MPP7: variants seen among roughly 807,000 people sequenced by gnomAD.
The protein encoded by MPP7 is MAGUK p55 subfamily member 7.
A neutral mutation model predicts 76.5 loss-of-function variants in MPP7; 60 were observed. That is an observed-to-expected ratio of 0.78 (90% CI 0.64 to 0.97). The LOEUF is 0.97. Ranked by LOEUF, MPP7 falls within the 50% of genes least tolerant of loss-of-function variation. The pLI is 0.00. For missense variants in MPP7, 641 were observed against 694.0 expected, an observed-to-expected ratio of 0.92 and a Z score of 0.86; for synonymous variants, 237 against 244.5, an observed-to-expected ratio of 0.97 and a Z score of 0.29.
intron 2 of MPP7, among the ~76,000 whole-genome samples, chr10:28,319,201 C>T (rs1249333526): frequency 6.6e-6 from 1 of 152,124 alleles, no homozygotes; most frequent in African/African-American, 2.4e-5. Flanking sequence ...AGGTGCTACA[C>T]ACTTTTAAAC....
intron 12 of MPP7, among the ~76,000 whole-genome samples, chr10:28,081,646 T>C (rs939017377): frequency 1.4e-4 from 21 of 152,294 alleles, no homozygotes; most frequent in African/African-American, 5.1e-4. Context: ...AAAAACCATA[T>C]AGCATTATGA....
chr10:28,106,786 G>A (rs1356994952), intron 11 of MPP7, among the ~76,000 whole-genome samples: 4 of 152,102 alleles, frequency 2.6e-5, no homozygotes, highest in African/African-American at 9.7e-5. Context: ...TTGGCTTCCG[G>A]TGAAAATGTT....
chr10:28,171,096 A>C (rs1006874486), intron 3 of MPP7, among the ~76,000 whole-genome samples: 1 of 152,202 alleles, frequency 6.6e-6, no homozygotes, highest in East Asian at 1.9e-4. Context: ...CAAATTAATA[A>C]GTGTCTATTA....
intron 16 of MPP7, among the ~76,000 whole-genome samples, chr10:28,054,871 T>C (rs1851496907): frequency 6.6e-6 from 1 of 152,100 alleles, no homozygotes; most frequent in Non-Finnish European, 1.5e-5. Flanking sequence ...CAGATGGATT[T>C]TCTCCATGTT....
At chr10:28,184,543 T>G (rs1837165725) in intron 3 of MPP7, among the ~76,000 whole-genome samples, 1 of 149,182 alleles carries the variant, frequency 6.7e-6, no homozygotes, top group Admixed American at 6.7e-5. Flanking sequence ...ACTCTGTCTC[T>G]ACTAAAAATA....
intron 2 of MPP7, among the ~76,000 whole-genome samples, chr10:28,210,499 GAGA>G (rs768779441): frequency 1.3e-5 from 2 of 152,102 alleles, no homozygotes; most frequent in Non-Finnish European, 2.9e-5. Flanking sequence ...AAACTTATAA[GAGA>G]AGGTCAAGAT....
At chr10:28,071,385 C>A (rs992418039) in intron 12 of MPP7, among the ~76,000 whole-genome samples, 1 of 152,136 alleles carries the variant, frequency 6.6e-6, no homozygotes, top group Non-Finnish European at 1.5e-5. Context: ...TTTCTAGGTC[C>A]CTGACCCTTG....
chr10:28,082,779 T>C (rs1035910195), intron 12 of MPP7, among the ~76,000 whole-genome samples: 16 of 152,098 alleles, frequency 1.1e-4, no homozygotes, highest in African/African-American at 3.6e-4. Flanking sequence ...TCTTTTTTTA[T>C]TTTTAGAGAC....
intron 6 of MPP7, among the ~76,000 whole-genome samples, chr10:28,127,152 A>G (rs1835043185): frequency 6.6e-6 from 1 of 152,236 alleles, no homozygotes; most frequent in Non-Finnish European, 1.5e-5. Flanking sequence ...TGGACTGTAC[A>G]GTTTTTCAGT....
In MPP7 at chr10:28,186,405, T is replaced by C. The variant is rs147191209; in HGVS notation, c.156+15748A>G. 2.9e-3 allele frequency among the ~76,000 whole-genome samples: 440 copies of C among 151,938 alleles called. 1 individual carries two copies. Among genetic ancestry groups the C allele is most frequent in the African/African-American group, 9.7e-3 (404 of 41,498 alleles). On this transcript the variant is annotated intron_variant, in intron 3 of 16. Coordinates refer to ENST00000683449, the MANE Select transcript of MPP7 (RefSeq NM_001318170.2). ...GAGAAAACAGCCTATTTTGAAATTATTATAATTCAGTTCTATACTTTAAAA... is the reference window on the plus strand; with the variant it reads ...GAGAAAACAGCCTATTTTGAAATTACTATAATTCAGTTCTATACTTTAAAA...
chr10:28,197,423 T>C (rs1375012354), intron 3 of MPP7, among the ~76,000 whole-genome samples: 1 of 152,060 alleles, frequency 6.6e-6, no homozygotes, highest in African/African-American at 2.4e-5. Context: ...CCTCAAGTGA[T>C]CCACCTGCCT....
intron 2 of MPP7, among the ~76,000 whole-genome samples, chr10:28,213,047 C>T (rs975994977): frequency 9.9e-5 from 15 of 152,082 alleles, no homozygotes; most frequent in Non-Finnish European, 2.1e-4. Context: ...TCAGGTAATC[C>T]TCCTGCCTCA....
chr10:28,073,503 C>T (rs1228261642), intron 12 of MPP7, among the ~76,000 whole-genome samples: 2 of 152,126 alleles, frequency 1.3e-5, no homozygotes, highest in African/African-American at 2.4e-5. Context: ...AGGGGAGTGC[C>T]TCACACCTGT....
intron 3 of MPP7, among the ~76,000 whole-genome samples, chr10:28,189,190 A>G (rs1434342101): frequency 1.3e-5 from 2 of 152,192 alleles, no homozygotes; most frequent in South Asian, 2.1e-4. Context: ...CAGAAATGTT[A>G]TAAGAGATAG....
chr10:28,170,957 T>C (rs1347792760), intron 3 of MPP7, among the ~76,000 whole-genome samples: 3 of 152,194 alleles, frequency 2.0e-5, no homozygotes, highest in Non-Finnish European at 2.9e-5. Flanking sequence ...CAGTATATCA[T>C]ATAATAGTTA....
intron 13 of MPP7, among the ~76,000 whole-genome samples, chr10:28,063,739 A>G (rs1412431245): frequency 6.6e-6 from 1 of 152,274 alleles, no homozygotes; most frequent in South Asian, 2.1e-4. Flanking sequence ...CTGAGGTGGA[A>G]CAGTTTCATC....
At chr10:28,194,292 G>C (rs527573460) in intron 3 of MPP7, among the ~76,000 whole-genome samples, 1 of 152,186 alleles carries the variant, frequency 6.6e-6, no homozygotes, top group Non-Finnish European at 1.5e-5. Context: ...GGGATTACAG[G>C]CATGAGCCAC....
chr10:28,165,812 T>G (rs7097357), intron 3 of MPP7, among the ~76,000 whole-genome samples: 24,364 of 151,868 alleles, frequency 0.16, 2,285 homozygotes, highest in East Asian at 0.37. Context: ...ATCACCTGAG[T>G]TCAGGAGTTC....
chr10:28,125,146 GA>G lies in MPP7; in HGVS notation c.448-56del, dbSNP rs1271945970. ...GGGTAAATGTGTGTACTAGGTGTTA[GA>G]AAAGGAGGAAATAAGGACATTCATC... On this transcript the variant is annotated intron_variant, in intron 6 of 16. Transcript: ENST00000683449. 3.6e-6 allele frequency: 5 copies of G among 1,395,560 alleles called. No individual in the cohort carries two copies. The African/African-American group carries it at 4.3e-5, about 12-fold the overall frequency. 86.4% of individuals were successfully genotyped at this position (1,395,560 alleles called of 1,614,324 possible).
Sources: gnomAD v4.1 joint callset for allele counts (sites outside exome capture counted in the v4.1 genomes callset) on GRCh38, gnomAD v4.1.1 for gene constraint, MANE v1.5 for transcripts, NCBI Gene and HGNC (gene_info 2026-07-23, HGNC 2026-07-21) for gene names.